Variants in RTN4RL1 observed in about 807,000 individuals in gnomAD.
RTN4RL1 encodes reticulon-4 receptor-like 1.
In RTN4RL1, 7 loss-of-function variants were observed where a neutral mutation model predicts 25.6. That is an observed-to-expected ratio of 0.27 (90% CI 0.16 to 0.51). The LOEUF (loss-of-function observed/expected upper bound fraction) is 0.51. RTN4RL1 is among the 20% of genes least tolerant of loss of function. The pLI, the probability that RTN4RL1 is intolerant of heterozygous loss-of-function variation, is 0.97. For synonymous variants in RTN4RL1, 297 were observed against 288.2 expected (o/e 1.03, Z -0.31); for missense variants, 500 against 615.6 (o/e 0.81, Z 1.99).
chr17:1,936,642 G>C lies in RTN4RL1; in HGVS notation c.1180C>G (p.Pro394Ala). 3 of 1,595,512 alleles carry C rather than the reference G, an allele frequency of 1.9e-6. No homozygotes were observed. In the South Asian group the frequency reaches 3.4e-5, roughly 18 times the overall value. ...YQHKFSFDIM[P>A]TARPKRKGKC... ...CCCTTCCTCTTGGGCCGGGCCGTAG[G>C]CATGATGTCAAAACTGAACTTGTGC... The change falls in exon 2 of 2, where the codon CCT (proline) becomes GCT (alanine). Residue 394 changes from proline (P) to alanine (A), a missense_variant. Physicochemically the swap from Pro to Ala is conservative, Grantham distance 27. Coordinates refer to ENST00000331238, the MANE Select transcript of RTN4RL1 (RefSeq NM_178568.4).
At chr17:1,969,881 G>C (rs1465914588) in intron 1 of RTN4RL1, among the ~76,000 whole-genome samples, 1 of 152,108 alleles carries the variant, frequency 6.6e-6, no homozygotes, top group Non-Finnish European at 1.5e-5. Flanking sequence ...TTCTTCTGTT[G>C]TTCTCACTCC....
intron 1 of RTN4RL1, among the ~76,000 whole-genome samples, chr17:1,943,835 C>A (rs941001082): frequency 6.6e-5 from 10 of 152,086 alleles, no homozygotes; most frequent in Non-Finnish European, 1.3e-4. Context: ...GGACGTGGGG[C>A]GTGGGGTGTG....
chr17:1,982,871 C>T (rs1414961219), intron 1 of RTN4RL1, among the ~76,000 whole-genome samples: 3 of 152,166 alleles, frequency 2.0e-5, no homozygotes, highest in Non-Finnish European at 4.4e-5. Context: ...GGGGCAGCGG[C>T]TGACAGTCAC....
chr17:1,963,227 G>A (rs1327830579), intron 1 of RTN4RL1, among the ~76,000 whole-genome samples: 1 of 152,212 alleles, frequency 6.6e-6, no homozygotes, highest in East Asian at 1.9e-4. Flanking sequence ...TTTCTGGGCT[G>A]AGCCACCAGC....
At chr17:1,986,947 C>T (rs944379479) in intron 1 of RTN4RL1, among the ~76,000 whole-genome samples, 1 of 151,732 alleles carries the variant, frequency 6.6e-6, no homozygotes, top group Non-Finnish European at 1.5e-5. Flanking sequence ...CATCTCTAAG[C>T]CGCAGCTTCC....
chr17:1,971,855 G>A (rs1276303546), intron 1 of RTN4RL1, among the ~76,000 whole-genome samples: 5 of 151,726 alleles, frequency 3.3e-5, no homozygotes, highest in South Asian at 2.1e-4. Context: ...CCAGCTACTC[G>A]GGAGGCTGAG....
In RTN4RL1 at chr17:1,995,961, G is replaced by A. The variant is rs112448927; in HGVS notation, c.13+28892C>T. ...GCCCGCTTAGAGGCACCTGGATGCT[G>A]TTAGGCGGGTGGCGATAACACTGGT... On this transcript the variant is annotated intron_variant, in intron 1 of 1. Coordinates refer to ENST00000331238, the MANE Select transcript of RTN4RL1 (RefSeq NM_178568.4). Among the ~76,000 whole-genome samples the A allele has an allele frequency of 9.6e-3, 1,460 of 152,312 alleles. 29 individuals carry two copies. Among genetic ancestry groups the A allele is most frequent in the African/African-American group, 0.033 (1,391 of 41,570 alleles).
chr17:2,012,378 C>T (rs2067061246), intron 1 of RTN4RL1, among the ~76,000 whole-genome samples: 2 of 152,198 alleles, frequency 1.3e-5, no homozygotes, highest in African/African-American at 4.8e-5. Flanking sequence ...GCCCTAAGGC[C>T]CTGCCCAAGC....
At chr17:2,021,025 C>T (rs927577449) in intron 1 of RTN4RL1, among the ~76,000 whole-genome samples, 4 of 152,144 alleles carry the variant, frequency 2.6e-5, no homozygotes, top group South Asian at 2.1e-4. Context: ...CTGGTTTTGC[C>T]GGCTAGGCCA....
chr17:1,994,099 C>A lies in RTN4RL1; in HGVS notation c.13+30754G>T, dbSNP rs1054140812. The stretch of plus-strand genomic sequence containing the variant: ...CAGGACACGTGCACTCGAACCTCGC[C>A]GCTCCGGGTCCCAATCTGTGGATTG... On this transcript the variant is annotated intron_variant, in intron 1 of 1. Coordinates refer to ENST00000331238, the MANE Select transcript of RTN4RL1 (RefSeq NM_178568.4). This position sits in a 1 kb window ranked among gnomAD's most constrained non-coding sequence, Gnocchi z 4.3. Among the ~76,000 whole-genome samples the A allele has an allele frequency of 6.6e-6, 1 of 152,148 alleles. No individual in the cohort carries two copies. Among genetic ancestry groups the A allele is most frequent in the African/African-American group, 2.4e-5 (1 of 41,426 alleles).
At chr17:1,951,070 C>T (rs2151307286) in intron 1 of RTN4RL1, among the ~76,000 whole-genome samples, 1 of 151,744 alleles carries the variant, frequency 6.6e-6, no homozygotes. Context: ...TCGAGACCAT[C>T]CTGGCTAACA....
rs1915275091 is a variant in RTN4RL1, at chr17:1,935,441, TC to T, written c.*1054del. The T allele has an allele frequency of 3.6e-6, 2 of 554,484 alleles. No individual in the cohort carries two copies. Among genetic ancestry groups the T allele is most frequent in the Non-Finnish European group, 4.6e-6 (2 of 436,220 alleles). 34.3% of individuals were successfully genotyped at this position (554,484 alleles called of 1,614,324 possible). ...TAAAAACAAGGTGATGCTCTAAATA[TC>T]TAAGAATATTGGTCCCCCAAAGTGA... On this transcript the variant is annotated 3_prime_UTR_variant, in exon 2 of 2. Transcript: ENST00000331238.
Position 1,937,648 on chromosome 17 carries a change from G to T in RTN4RL1, c.174C>A (p.Arg58=), listed in dbSNP as rs770499033. 1.2e-6 allele frequency: 2 copies of T among 1,613,864 alleles called. No homozygotes were observed. ...IPEGIPVDSE[R]VFLQNNRIGL... is the part of the protein sequence containing the mutation. ...CGATGCGGTTGTTCTGCAGGAAGAC[G>T]CGCTCGCTGTCCACGGGGATGCCCT... is the stretch of plus-strand genomic sequence containing the variant. The change falls in exon 2 of 2, where the codon CGC becomes CGA. Residue 58 remains arginine, a synonymous_variant. Coordinates refer to ENST00000331238, the MANE Select transcript of RTN4RL1 (RefSeq NM_178568.4).
chr17:1,982,936 T>C (rs1183335313), intron 1 of RTN4RL1, among the ~76,000 whole-genome samples: 2 of 152,100 alleles, frequency 1.3e-5, no homozygotes, highest in Non-Finnish European at 2.9e-5. Flanking sequence ...GGCTGGGTTT[T>C]CCCCAGTTCT....
At position 2,025,205 on chromosome 17, in the gene RTN4RL1, C is replaced by A. The variant is rs919414661; in HGVS notation, c.-340G>T. 7.0e-5 allele frequency: 15 copies of A among 213,740 alleles called. No individual in the cohort carries two copies. The highest frequency in any genetic ancestry group is 1.0e-4 in the Non-Finnish European group (11 of 108,162). 13.2% of individuals were successfully genotyped at this position (213,740 alleles called of 1,614,324 possible). ...TTGAGGGGGGACGCCGCCCCCTGGC[C>A]GGCCGGCCGCAGCCCCCTCCTCTCC... On this transcript the variant is annotated 5_prime_UTR_variant, in exon 1 of 2. Transcript: ENST00000331238. This position sits in a 1 kb window ranked among gnomAD's most constrained non-coding sequence, Gnocchi z 4.8.
At chr17:1,986,168 A>C (rs1283606960) in intron 1 of RTN4RL1, among the ~76,000 whole-genome samples, 3 of 152,152 alleles carry the variant, frequency 2.0e-5, no homozygotes, top group African/African-American at 4.8e-5. Context: ...GGGTCCACAG[A>C]GTCATAATAA....
chr17:1,956,225 G>T (rs976836643), intron 1 of RTN4RL1, among the ~76,000 whole-genome samples: 10 of 152,124 alleles, frequency 6.6e-5, no homozygotes, highest in African/African-American at 1.9e-4. Context: ...ACCCAGCGGG[G>T]TGCAGGCGAA....
At chr17:1,961,276 G>T (rs1391214151) in intron 1 of RTN4RL1, among the ~76,000 whole-genome samples, 1 of 152,226 alleles carries the variant, frequency 6.6e-6, no homozygotes, top group Non-Finnish European at 1.5e-5. Context: ...GGGGGGCCTG[G>T]AAGGATGACT....
chr17:1,944,571 C>G (rs1314178434), intron 1 of RTN4RL1, among the ~76,000 whole-genome samples: 1 of 152,168 alleles, frequency 6.6e-6, no homozygotes, highest in African/African-American at 2.4e-5. Flanking sequence ...ATTCTCCTGC[C>G]TCAGCCTCCT....
Sources: allele counts gnomAD v4.1 joint callset (sites outside exome capture counted in the v4.1 genomes callset), GRCh38; gene constraint gnomAD v4.1.1; non-coding constraint Gnocchi (gnomAD v3.1); transcripts MANE v1.5; gene names NCBI Gene and HGNC (gene_info 2026-07-23, HGNC 2026-07-21).